ITPR3: variants seen among roughly 807,000 people sequenced by gnomAD.
ITPR3 encodes the protein inositol 1,4,5-trisphosphate receptor type 3, also known as inositol 1,4,5-trisphosphate-gated calcium channel ITPR3.
ITPR3 carries 173 observed loss-of-function variants against 293.2 expected under a neutral mutation model. That is an observed-to-expected ratio of 0.59 (90% CI 0.52 to 0.67). The LOEUF (loss-of-function observed/expected upper bound fraction) is 0.67, where lower values mean the gene tolerates loss of function less well. ITPR3 is among the 30% of genes least tolerant of loss of function. The probability of loss-of-function intolerance (pLI) is 0.00; values close to 1 mark genes in which losing one functional copy is unlikely to be tolerated. For synonymous variants in ITPR3, 1,295 were observed against 1,444.4 expected, an observed-to-expected ratio of 0.90 and a Z score of 2.35; for missense variants, 2,796 against 3,592.1, an observed-to-expected ratio of 0.78 and a Z score of 5.66.
At chr6:33,643,562 C>T (rs11966717) in intron 2 of ITPR3, among the ~76,000 whole-genome samples, 15,449 of 152,260 alleles carry the variant, frequency 0.1, 1,425 homozygotes, top group African/African-American at 0.24. Flanking sequence ...CTGTGGCTGC[C>T]GTGAGTCCCG....
intron 22 of ITPR3, among the ~76,000 whole-genome samples, chr6:33,673,311 G>A (rs1186913036): frequency 3.3e-5 from 5 of 152,142 alleles, no homozygotes; most frequent in Admixed American, 2.6e-4. Context: ...TGGGCCGGGC[G>A]CAGGGGTGCT....
intron 1 of ITPR3, among the ~76,000 whole-genome samples, chr6:33,634,857 G>T (rs1261471349): frequency 6.6e-6 from 1 of 152,096 alleles, no homozygotes; most frequent in Admixed American, 6.5e-5. Flanking sequence ...GCGTGGAGGG[G>T]TCAGGGATGA....
In ITPR3 at chr6:33,671,066, C is replaced by T. The variant is rs6932485; in HGVS notation, c.2587-99C>T. ...TGGGAACCCCGTCCTCATGACGCCC[C>T]TTTCGCCCTAGTTTCCCCAGTCCTG... is the stretch of plus-strand genomic sequence containing the variant. On this transcript the variant is annotated intron_variant, in intron 20 of 57. Coordinates refer to ENST00000605930, the MANE Select transcript of ITPR3 (RefSeq NM_002224.4). The T allele has an allele frequency of 9.5e-4, 1,474 of 1,553,666 alleles. 13 individuals are homozygous for T. In the African/African-American group the frequency reaches 0.013, roughly 14 times the overall value.
At chr6:33,636,102 C>T (rs1475027072) in intron 1 of ITPR3, among the ~76,000 whole-genome samples, 2 of 122,984 alleles carry the variant, frequency 1.6e-5, no homozygotes, top group Admixed American at 1.1e-4. Context: ...GCCTGGCCAA[C>T]GTGGTGAAAC....
rs1366514554 is a variant in ITPR3, at chr6:33,679,385, G to A, written c.3973-497G>A. Among the ~76,000 whole-genome samples, 1 of 152,186 alleles carries A rather than the reference G, an allele frequency of 6.6e-6. No individual in the cohort carries two copies. Among genetic ancestry groups the A allele is most frequent in the African/African-American group, 2.4e-5 (1 of 41,442 alleles). On this transcript the variant is annotated intron_variant, in intron 30 of 57. Transcript: ENST00000605930. This position sits in a 1 kb window ranked among gnomAD's most constrained non-coding sequence, Gnocchi z 4.2. ...GAGCATCTGACAGTGTAGGCGGCAG[G>A]GGGAGAAAGAAGCAAACACTGAAGG...
rs1035816429 is a variant in ITPR3, at chr6:33,654,877, C to T, written c.161-889C>T. ...ACAGGCCCAGTCACCCACACCAGCC[C>T]CTCACCAGCACCCAGAATCCTCCCT... On this transcript the variant is annotated intron_variant, in intron 2 of 57. Coordinates refer to ENST00000605930, the MANE Select transcript of ITPR3 (RefSeq NM_002224.4). This position sits in a 1 kb window ranked among gnomAD's most constrained non-coding sequence, Gnocchi z 4.1. Among the ~76,000 whole-genome samples, 1 of 152,202 alleles carries T rather than the reference C, an allele frequency of 6.6e-6. No homozygotes were observed. Among genetic ancestry groups the T allele is most frequent in the Non-Finnish European group, 1.5e-5 (1 of 68,038 alleles).
Position 33,683,369 on chromosome 6 carries a change from A to G in ITPR3, c.4760A>G (p.Asp1587Gly). 6.3e-7 allele frequency: 1 copy of G among 1,589,716 alleles called. No homozygotes were observed. Residue 1587 changes from aspartate to glycine, a missense_variant, in exon 35 of 58, where the codon GAC (aspartate) becomes GGC (glycine). Physicochemically the swap from Asp to Gly is moderately conservative, Grantham distance 94 (BLOSUM62 -1). Around this residue, in one of 8 missense-constraint regions of ITPR3, gnomAD observed 704 missense variants for 797.5 expected, o/e 0.88. Coordinates refer to ENST00000605930, the MANE Select transcript of ITPR3 (RefSeq NM_002224.4). The surrounding 1 kb of genome is among the most constrained non-coding windows in gnomAD (Gnocchi z 4.5). ...PRVTPTANQW[D>G]YKNIIEKLQD... The stretch of plus-strand genomic sequence containing the variant: ...GTCACCCCCACCGCCAACCAGTGGG[A>G]CTACAAGAACATCATTGAGAAGCTG...
intron 1 of ITPR3, among the ~76,000 whole-genome samples, chr6:33,636,477 C>T (rs1763826515): frequency 6.6e-6 from 1 of 151,816 alleles, no homozygotes; most frequent in Non-Finnish European, 1.5e-5. Flanking sequence ...AATTCTGTAC[C>T]TGACTGTGTA....
Position 33,692,969 on chromosome 6 carries a change from T to A in ITPR3, c.7624+76T>A. ...TCTGATGCCAGTGGCAGTAGCGGTT[T>A]GGCCCTTCCTGCCCTGGGGAACCCT... On this transcript the variant is annotated intron_variant, in intron 55 of 57. Coordinates refer to ENST00000605930, the MANE Select transcript of ITPR3 (RefSeq NM_002224.4). This position sits in a 1 kb window ranked among gnomAD's most constrained non-coding sequence, Gnocchi z 4.2. 6.7e-7 allele frequency: 1 copy of A among 1,488,394 alleles called. No homozygotes were observed. Among genetic ancestry groups the A allele is most frequent in the East Asian group, 2.3e-5 (1 of 43,726 alleles). The allele number at this position is 1,488,394 out of a possible 1,614,324, so 92.2% of individuals were successfully genotyped here. A position where few individuals can be genotyped will look rare whatever the true frequency, so the allele number is the denominator to read the frequency against.
Position 33,669,007 on chromosome 6 carries a change from C to G in ITPR3, c.2040C>G (p.His680Gln). Residue 680 changes from histidine (H) to glutamine (Q), a missense_variant, in exon 18 of 58, where the codon CAC becomes CAG. Around this residue, in one of 8 missense-constraint regions of ITPR3, gnomAD observed 955 missense variants for 1,180.8 expected, o/e 0.81. Coordinates refer to ENST00000605930, the MANE Select transcript of ITPR3 (RefSeq NM_002224.4). ...CCGTGAAGGAGATGGCCCAATCCCA[C>G]GAGTACCTGAGCATCGAGTACTCAG... Reference protein sequence around the residue: ...LRPVKEMAQSHEYLSIEYSEE... With the variant: ...LRPVKEMAQSQEYLSIEYSEE... 1.2e-6 allele frequency: 2 copies of G among 1,614,024 alleles called. No individual in the cohort carries two copies. Among genetic ancestry groups the G allele is most frequent in the Non-Finnish European group, 1.7e-6 (2 of 1,180,010 alleles).
intron 56 of ITPR3, 187 bp from the exon 57 acceptor site, chr6:33,694,736 AG>A: frequency 4.5e-6 from 3 of 674,024 alleles, no homozygotes. Flanking sequence ...GGTTGACAAG[AG>A]GGTTGACTGC....
intron 2 of ITPR3, among the ~76,000 whole-genome samples, chr6:33,640,800 A>C (rs1481057854): frequency 6.6e-6 from 1 of 152,196 alleles, no homozygotes; most frequent in Non-Finnish European, 1.5e-5. Context: ...ACTTCTGGCC[A>C]GGGGCCCATT....
rs1187122434 is a variant in ITPR3 at position 33,675,519 on chromosome 6, G to A, written c.3117-172G>A. On this transcript the variant is annotated intron_variant, in intron 24 of 57. Transcript: ENST00000605930. The surrounding 1 kb of genome is among the most constrained non-coding windows in gnomAD (Gnocchi z 5.0). ...CACGGGTCACTCCGGAGATTCAGGGGAGTGGCTGTTAAACTGCTGAGAAAG... is the reference window on the plus strand; with the variant it reads ...CACGGGTCACTCCGGAGATTCAGGGAAGTGGCTGTTAAACTGCTGAGAAAG... Among the ~76,000 whole-genome samples the A allele has an allele frequency of 2.6e-5, 4 of 152,148 alleles. No homozygotes were observed. Among genetic ancestry groups the A allele is most frequent in the Non-Finnish European group, 5.9e-5 (4 of 68,036 alleles).
Position 33,679,902 on chromosome 6 carries a change from T to C in ITPR3, c.3993T>C (p.Asp1331=), listed in dbSNP as rs762720607. 1.9e-6 allele frequency: 3 copies of C among 1,613,260 alleles called. No individual in the cohort carries two copies. The highest frequency in any genetic ancestry group is 1.1e-5 in the South Asian group (1 of 91,036). ...IMTELTNAGD[D]VVVFYNDKAS... ...CGCAGCTGACCAATGCAGGTGACGA[T>C]GTGGTCGTGTTCTACAATGATAAGG... Residue 1331 remains aspartate (D), a synonymous_variant, in exon 31 of 58, where the codon GAT becomes GAC. Coordinates refer to ENST00000605930, the MANE Select transcript of ITPR3 (RefSeq NM_002224.4). The surrounding 1 kb of genome is among the most constrained non-coding windows in gnomAD (Gnocchi z 4.2).
rs1183838580 is a variant in ITPR3, at chr6:33,633,758, GCGGGGCCGGGGC to G, written c.90-6716_90-6705del. On this transcript the variant is annotated intron_variant, in intron 1 of 57. Transcript: ENST00000605930. This position sits in a 1 kb window ranked among gnomAD's most constrained non-coding sequence, Gnocchi z 5.2. The stretch of plus-strand genomic sequence containing the variant: ...GTTTCGCTTCGCCGCGGGGGCGGGG[GCGGGGCCGGGGC>G]CGGGGCCGGACGCCCGGAGCTCGCG... Among the ~76,000 whole-genome samples, 2 of 144,906 alleles carry G rather than the reference GCGGGGCCGGGGC, an allele frequency of 1.4e-5. No individual in the cohort carries two copies. Among genetic ancestry groups the G allele is most frequent in the Non-Finnish European group, 3.1e-5 (2 of 65,248 alleles).
rs1024520963 is a variant in ITPR3 at position 33,661,338 on chromosome 6, G to A, written c.712-1190G>A. ...GTGCCTGCTGGGCGGCAGGCTCAGC[G>A]GGAGGAAGGTGATGGAATGATTAAG... is the stretch of plus-strand genomic sequence containing the variant. On this transcript the variant is annotated intron_variant, in intron 7 of 57. Transcript: ENST00000605930. Among the ~76,000 whole-genome samples the A allele has an allele frequency of 5.3e-5, 8 of 152,270 alleles. 1 individual carries two copies. The highest frequency in any genetic ancestry group is 2.4e-5 in the African/African-American group (1 of 41,546).
chr6:33,691,580 G>GGACC lies in ITPR3; in HGVS notation c.7226-34_7226-31dup. ...GAGCCAGGGGATAAGGCCAGGCACTGGACCTCCTGATGATCTCATCCATAT... is the reference window on the plus strand; with the variant it reads ...GAGCCAGGGGATAAGGCCAGGCACTGGACCGACCTCCTGATGATCTCATCCATAT... On this transcript the variant is annotated intron_variant, in intron 52 of 57. Coordinates refer to ENST00000605930, the MANE Select transcript of ITPR3 (RefSeq NM_002224.4). The surrounding 1 kb of genome is among the most constrained non-coding windows in gnomAD (Gnocchi z 4.9). The GGACC allele has an allele frequency of 6.4e-7, 1 of 1,570,472 alleles. No individual in the cohort carries two copies. Among genetic ancestry groups the GGACC allele is most frequent in the South Asian group, 1.1e-5 (1 of 89,550 alleles).
chr6:33,655,710 AG>A lies in ITPR3; in HGVS notation c.161-53del. On this transcript the variant is annotated intron_variant, in intron 2 of 57. Coordinates refer to ENST00000605930, the MANE Select transcript of ITPR3 (RefSeq NM_002224.4). The surrounding 1 kb of genome is among the most constrained non-coding windows in gnomAD (Gnocchi z 4.9). Reference sequence around the variant, plus strand: ...CTGCAGGCTGGGGTTTTCTCCAGGGAGGGCCCTGAGCCCCAGATGAATCATT... The same window carrying A: ...CTGCAGGCTGGGGTTTTCTCCAGGGAGGCCCTGAGCCCCAGATGAATCATT... 6.2e-7 allele frequency: 1 copy of A among 1,608,824 alleles called. No individual in the cohort carries two copies. Among genetic ancestry groups the A allele is most frequent in the Non-Finnish European group, 8.5e-7 (1 of 1,176,454 alleles).
rs1300127570 is a variant in ITPR3 at position 33,666,155 on chromosome 6, G to A, written c.1551+179G>A. On this transcript the variant is annotated intron_variant, in intron 14 of 57. Coordinates refer to ENST00000605930, the MANE Select transcript of ITPR3 (RefSeq NM_002224.4). This position sits in a 1 kb window ranked among gnomAD's most constrained non-coding sequence, Gnocchi z 5.1. ...CGAATTTGATCCTCACTGCCTGGAG[G>A]AGGCGCCGTGATTCTTACCCCGTTT... is the stretch of plus-strand genomic sequence containing the variant. Among the ~76,000 whole-genome samples, 3 of 152,202 alleles carry A rather than the reference G, an allele frequency of 2.0e-5. No homozygotes were observed.
Sources: gnomAD v4.1 joint callset for allele counts (sites outside exome capture counted in the v4.1 genomes callset) on GRCh38, gnomAD v4.1.1 for gene constraint, gnomAD v4.1.1 regional missense constraint, Gnocchi (gnomAD v3.1) non-coding constraint, MANE v1.5 for transcripts, NCBI Gene and HGNC (gene_info 2026-07-23, HGNC 2026-07-21) for gene names.